The following ARSH variants were observed in gnomAD, a reference collection of about 807,000 sequenced individuals.
ARSH encodes the protein arylsulfatase H.
A neutral mutation model predicts 28.7 loss-of-function variants in ARSH; 32 were observed. The observed-to-expected ratio is 1.11, with a 90% CI of 0.84 to 1.50. ARSH has a LOEUF of 1.50. Ranked by LOEUF, ARSH falls within the 40% of genes most tolerant of loss-of-function variation. The probability of loss-of-function intolerance (pLI) is 0.00; values close to 1 mark genes in which losing one functional copy is unlikely to be tolerated. For missense variants in ARSH, 440 were observed against 452.4 expected (o/e 0.97, Z 0.25); for synonymous variants, 176 against 177.3 (o/e 0.99, Z 0.06).
intron 2 of ARSH, among the ~76,000 whole-genome samples, chrX:3,012,448 C>T (rs368383991): frequency 1.4e-4 from 13 of 91,406 alleles, no homozygotes; most frequent in Admixed American, 6.7e-4. Context: ...GGCGGAGGCA[C>T]GAGAATTGCT....
chrX:3,013,730 A>G (rs2089857954), intron 3 of ARSH, among the ~76,000 whole-genome samples: 1 of 110,722 alleles, frequency 9.0e-6, no homozygotes. Flanking sequence ...ACTCAAAAGC[A>G]TTGTACGGTC....
At position 3,013,141 on chromosome X, in the gene ARSH, G is replaced by A. The variant is rs370769805; in HGVS notation, c.309G>A (p.Leu103=). The change falls in exon 3 of 9, where the codon CTG becomes CTA. Residue 103 remains leucine, a synonymous_variant. Transcript: ENST00000381130. ...PTNETTFAKL[L]QHRGYRTGLI... Reference sequence around the variant, plus strand: ...ATGAAACGACTTTTGCCAAGCTGCTGCAGCACCGTGGCTACCGCACGGGAC... The same window carrying A: ...ATGAAACGACTTTTGCCAAGCTGCTACAGCACCGTGGCTACCGCACGGGAC... The A allele has an allele frequency of 2.5e-5, 30 of 1,208,971 alleles. No individual in the cohort carries two copies. The highest frequency in any genetic ancestry group is 7.0e-5 in the African/African-American group (4 of 57,084).
chrX:3,016,882 C>T (rs1303318631), intron 4 of ARSH, among the ~76,000 whole-genome samples: 1 of 111,459 alleles, frequency 9.0e-6, no homozygotes, highest in Non-Finnish European at 1.9e-5. Flanking sequence ...TTGTGCCCAG[C>T]CTGGGTTACA....
At chrX:3,012,635 T>G (rs2089854093) in intron 2 of ARSH, among the ~76,000 whole-genome samples, 1 of 69,240 alleles carries the variant, frequency 1.4e-5, no homozygotes, top group South Asian at 9.8e-4. Flanking sequence ...CACACACACA[T>G]ATGAAAAAGA....
At chrX:3,007,834 T>C (rs1313328942) in intron 1 of ARSH, among the ~76,000 whole-genome samples, 1 of 111,220 alleles carries the variant, frequency 9.0e-6, no homozygotes, top group Non-Finnish European at 1.9e-5. Flanking sequence ...GCCTCTCTCC[T>C]GGGCTTGGAG....
chrX:3,021,258 G>C (rs917697753), intron 5 of ARSH, among the ~76,000 whole-genome samples: 1 of 111,171 alleles, frequency 9.0e-6, no homozygotes, highest in African/African-American at 3.3e-5. Context: ...CTATATCTGA[G>C]TGTTTATCAC....
chrX:3,027,374 G>T lies in ARSH; in HGVS notation c.1098G>T (p.Pro366=), dbSNP rs373570475. The part of the protein sequence containing the change: ...GIRVPGIFRW[P]SVLEAGRVIN... Reference sequence around the variant, plus strand: ...GTGTGCCAGGGATATTCCGGTGGCCGTCAGTCTTGGAGGCTGGGAGAGTGA... The same window carrying T: ...GTGTGCCAGGGATATTCCGGTGGCCTTCAGTCTTGGAGGCTGGGAGAGTGA... Residue 366 remains proline, a synonymous_variant, in exon 7 of 9, where the codon CCG becomes CCT. Coordinates refer to ENST00000381130, the MANE Select transcript of ARSH (RefSeq NM_001011719.2). 1.7e-6 allele frequency: 2 copies of T among 1,209,534 alleles called. No individual in the cohort carries two copies. The highest frequency in any genetic ancestry group is 2.2e-5 in the Admixed American group (1 of 45,700).
chrX:3,033,414 C>G lies in ARSH; in HGVS notation c.*29C>G, dbSNP rs982955605. 4.3e-6 allele frequency: 5 copies of G among 1,166,604 alleles called. No homozygotes were observed. The highest frequency in any genetic ancestry group is 5.7e-6 in the Non-Finnish European group (5 of 871,832). ...CATGCGGACCACGTGTTACCCACCA[C>G]AAACTTACTGTTACAATGGTCATAG... On this transcript the variant is annotated 3_prime_UTR_variant, in exon 9 of 9. Coordinates refer to ENST00000381130, the MANE Select transcript of ARSH (RefSeq NM_001011719.2).
At chrX:3,022,332 T>C (rs1181941625) in intron 5 of ARSH, among the ~76,000 whole-genome samples, 1 of 112,156 alleles carries the variant, frequency 8.9e-6, no homozygotes, top group Admixed American at 9.6e-5. Context: ...AGAAAGCCTT[T>C]ACAATCTTTC....
intron 2 of ARSH, among the ~76,000 whole-genome samples, chrX:3,012,148 T>C (rs940934547): frequency 8.9e-6 from 1 of 112,103 alleles, no homozygotes; most frequent in Non-Finnish European, 1.9e-5. Flanking sequence ...GAAATTATCA[T>C]TTATTTATTT....
At chrX:3,008,903 GA>G (rs951384578) in intron 1 of ARSH, among the ~76,000 whole-genome samples, 5 of 110,011 alleles carry the variant, frequency 4.5e-5, no homozygotes, top group African/African-American at 9.9e-5. Context: ...TGGGATTATG[GA>G]AAAAAAATGT....
intron 5 of ARSH, among the ~76,000 whole-genome samples, chrX:3,021,881 TTGTGTGTG>T (rs3032484): frequency 5.3e-5 from 5 of 94,255 alleles, no homozygotes; most frequent in African/African-American, 2.0e-4. Context: ...TCTGGCCAAT[TTGTGTGTG>T]TGTGTGTGTG....
At chrX:3,020,274 CAAAAA>C (rs59713321) in intron 5 of ARSH, among the ~76,000 whole-genome samples, 8 of 13,843 alleles carry the variant, frequency 5.8e-4, no homozygotes, top group East Asian at 3.5e-3. Context: ...GACCCCGTCT[CAAAAA>C]AAAAAAAAAA....
At chrX:3,020,622 A>G (rs1485282079) in intron 5 of ARSH, among the ~76,000 whole-genome samples, 1 of 107,090 alleles carries the variant, frequency 9.3e-6, no homozygotes, top group African/African-American at 3.4e-5. Context: ...GAATACAAGG[A>G]AAGTCAGTGC....
Position 3,013,277 on chromosome X carries a change from C to T in ARSH, c.340+105C>T, listed in dbSNP as rs770797998. Reference sequence around the variant, plus strand: ...TTGGCTTTGTGCGCGCCAGTTTGACCGACTTCTCTTTGAGATAAGACACTT... The same window carrying T: ...TTGGCTTTGTGCGCGCCAGTTTGACTGACTTCTCTTTGAGATAAGACACTT... On this transcript the variant is annotated intron_variant, in intron 3 of 8. Transcript: ENST00000381130. The T allele has an allele frequency of 1.1e-4, 100 of 932,568 alleles. 1 individual carries two copies. The African/African-American group carries it at 1.7e-3, about 16-fold the overall frequency. 76.9% of individuals were successfully genotyped at this position (932,568 alleles called of 1,213,427 possible).
At chrX:3,013,862 C>T in intron 3 of ARSH, among the ~76,000 whole-genome samples, 1 of 111,458 alleles carries the variant, frequency 9.0e-6, no homozygotes, top group South Asian at 3.8e-4. Context: ...CTCCCAGCAG[C>T]GTCCTGTGAG....
rs1339991666 is a variant in ARSH at position 3,033,917 on chromosome X, G to A, written c.*532G>A. Among the ~76,000 whole-genome samples, 1 of 111,484 alleles carries A rather than the reference G, an allele frequency of 9.0e-6. No homozygotes were observed. Among genetic ancestry groups the A allele is most frequent in the Non-Finnish European group, 1.9e-5 (1 of 53,197 alleles). On this transcript the variant is annotated 3_prime_UTR_variant, in exon 9 of 9. Transcript: ENST00000381130. ...TACGCATCTGGTTATGAGAAAAAAT[G>A]CTGGGCTGAAGTTCTTGACTTTGCT...
chrX:3,024,185 C>T lies in ARSH; in HGVS notation c.1036+30C>T. On this transcript the variant is annotated intron_variant, in intron 6 of 8. Coordinates refer to ENST00000381130, the MANE Select transcript of ARSH (RefSeq NM_001011719.2). Reference sequence around the variant, plus strand: ...TTGTGTGTAGAGAACCAACGCCTGTCCATTTTAAATCAGTAGTCTCTATTG... The same window carrying T: ...TTGTGTGTAGAGAACCAACGCCTGTTCATTTTAAATCAGTAGTCTCTATTG... 3 of 1,125,606 alleles carry T rather than the reference C, an allele frequency of 2.7e-6. No homozygotes were observed. In the South Asian group the frequency reaches 6.8e-5, roughly 26 times the overall value. The allele number at this position is 1,125,606 out of a possible 1,213,427, so 92.8% of individuals were successfully genotyped here. A position where few individuals can be genotyped will look rare whatever the true frequency, so the allele number is the denominator to read the frequency against.
chrX:3,011,829 G>A (rs1457716027), intron 2 of ARSH, among the ~76,000 whole-genome samples: 2 of 110,892 alleles, frequency 1.8e-5, no homozygotes, highest in Non-Finnish European at 3.8e-5. Context: ...TTCTTCCAAG[G>A]TAGGATCCTT....
Sources: allele counts gnomAD v4.1 joint callset (sites outside exome capture counted in the v4.1 genomes callset), GRCh38; gene constraint gnomAD v4.1.1; transcripts MANE v1.5; gene names NCBI Gene and HGNC (gene_info 2026-07-23, HGNC 2026-07-21).